The following VPS50 variants were observed in gnomAD, a reference collection of about 807,000 sequenced individuals.
The protein encoded by VPS50 is VPS50 subunit of EARP/GARPII complex.
In VPS50, 70 loss-of-function variants were observed where a neutral mutation model predicts 139.7. That is an observed-to-expected ratio of 0.50 (90% CI 0.41 to 0.61). The LOEUF (loss-of-function observed/expected upper bound fraction) is 0.61. Ranked by LOEUF, VPS50 falls within the 20% of genes least tolerant of loss-of-function variation. The pLI is 0.00. For missense variants in VPS50, 921 were observed against 1,133.7 expected (o/e 0.81, Z 2.69); for synonymous variants, 365 against 376.7 (o/e 0.97, Z 0.36).
intron 23 of VPS50, among the ~76,000 whole-genome samples, chr7:93,344,395 C>A (rs559448924): frequency 1.3e-5 from 2 of 152,060 alleles, no homozygotes; most frequent in African/African-American, 2.4e-5. Flanking sequence ...GACTTTAACA[C>A]CCCACTGTCA....
At chr7:93,297,910 A>C (rs1228910926) in intron 16 of VPS50, among the ~76,000 whole-genome samples, 1 of 152,122 alleles carries the variant, frequency 6.6e-6, no homozygotes, top group Admixed American at 6.6e-5. Context: ...TTGTCCTTTG[A>C]GTTGAGTTTC....
chr7:93,299,415 A>G (rs1471543834), intron 16 of VPS50, among the ~76,000 whole-genome samples: 1 of 152,190 alleles, frequency 6.6e-6, no homozygotes, highest in African/African-American at 2.4e-5. Flanking sequence ...GAAAAACTGT[A>G]TGAAACATGG....
At position 93,272,734 on chromosome 7, in the gene VPS50, G is replaced by GT; in HGVS notation, c.801+4dup. 1 of 1,393,784 alleles carries GT rather than the reference G, an allele frequency of 7.2e-7. No homozygotes were observed. The highest frequency in any genetic ancestry group is 1.0e-6 in the Non-Finnish European group (1 of 1,000,664). 86.3% of individuals were successfully genotyped at this position (1,393,784 alleles called of 1,614,324 possible). On this transcript the variant is annotated splice_donor_variant, in intron 11 of 27. Transcript: ENST00000305866. LOFTEE classifies it high-confidence loss of function. ...TTATCGACTTCTTGGAAAAACACAG[G>GT]TTTGTTACAAAAGGATGTTTGGATT... is the stretch of plus-strand genomic sequence containing the variant.
At chr7:93,277,198 T>C (rs1796183830) in intron 12 of VPS50, among the ~76,000 whole-genome samples, 1 of 152,086 alleles carries the variant, frequency 6.6e-6, no homozygotes, top group South Asian at 2.1e-4. Flanking sequence ...AACTAGGAGA[T>C]GGTGGTGTCA....
At chr7:93,232,898 C>T (rs1248603854) in intron 1 of VPS50, among the ~76,000 whole-genome samples, 2 of 152,134 alleles carry the variant, frequency 1.3e-5, no homozygotes, top group Admixed American at 1.3e-4. Context: ...CCTGGAAAGA[C>T]TGAAAACGGA....
chr7:93,244,709 G>A (rs570470589), intron 2 of VPS50, among the ~76,000 whole-genome samples: 1 of 151,894 alleles, frequency 6.6e-6, no homozygotes, highest in African/African-American at 2.4e-5. Context: ...ATGACTAGGT[G>A]AATTTATTTA....
intron 9 of VPS50, among the ~76,000 whole-genome samples, chr7:93,267,427 G>C (rs749426206): frequency 1.6e-4 from 25 of 152,134 alleles, no homozygotes; most frequent in Non-Finnish European, 1.9e-4. Flanking sequence ...TTGAGGTAGA[G>C]AATAGGGGCT....
chr7:93,321,951 A>AAAT (rs1420682437), intron 20 of VPS50, among the ~76,000 whole-genome samples: 1 of 152,252 alleles, frequency 6.6e-6, no homozygotes, highest in African/African-American at 2.4e-5. Context: ...GTAGCTGAGG[A>AAAT]AATACCTGCA....
intron 23 of VPS50, 105 bp from the exon 24 acceptor site, chr7:93,348,606 T>C (rs1562899988): frequency 1.4e-5 from 10 of 739,344 alleles, no homozygotes; most frequent in Middle Eastern, 3.2e-4. Flanking sequence ...TAATTTTTAT[T>C]GTTAAAGTTT....
intron 20 of VPS50, among the ~76,000 whole-genome samples, chr7:93,315,769 T>G (rs900587724): frequency 6.6e-6 from 1 of 152,190 alleles, no homozygotes; most frequent in Non-Finnish European, 1.5e-5. Flanking sequence ...AGGTTTTAAT[T>G]TCAACATTAA....
At chr7:93,271,419 G>A (rs529578939) in intron 10 of VPS50, among the ~76,000 whole-genome samples, 157 bp downstream of exon 10, 1 of 151,784 alleles carries the variant, frequency 6.6e-6, no homozygotes, top group South Asian at 2.1e-4. Context: ...TTATGGTCAA[G>A]TTAGTGTAAA....
intron 10 of VPS50, 120 bp from the exon 11 acceptor site, chr7:93,272,515 A>G (rs971093960): frequency 8.9e-6 from 4 of 448,080 alleles, no homozygotes; most frequent in Non-Finnish European, 1.6e-5. Flanking sequence ...TAAATCTGGT[A>G]TGATAGTAAA....
intron 12 of VPS50, among the ~76,000 whole-genome samples, chr7:93,281,839 A>G (rs746295034): frequency 6.6e-6 from 1 of 152,248 alleles, no homozygotes; most frequent in Non-Finnish European, 1.5e-5. Context: ...TTTAATGTGT[A>G]TATAAGCTGA....
chr7:93,342,306 G>A (rs539074033), intron 23 of VPS50, among the ~76,000 whole-genome samples: 439 of 152,302 alleles, frequency 2.9e-3, no homozygotes, highest in Middle Eastern at 6.8e-3. Context: ...ATTATATCCC[G>A]CACCTGGCTC....
intron 20 of VPS50, among the ~76,000 whole-genome samples, chr7:93,318,329 C>T (rs1456223377): frequency 6.6e-6 from 1 of 152,074 alleles, no homozygotes; most frequent in Non-Finnish European, 1.5e-5. Context: ...AACCTGGTAG[C>T]CAGGCACTTA....
At chr7:93,329,966 G>A (rs1248931740) in intron 21 of VPS50, among the ~76,000 whole-genome samples, 3 of 152,128 alleles carry the variant, frequency 2.0e-5, no homozygotes, top group Non-Finnish European at 4.4e-5. Context: ...AGAGTAAAGA[G>A]CCTTGGTAAT....
intron 9 of VPS50, among the ~76,000 whole-genome samples, chr7:93,269,971 A>G (rs1279813745): frequency 6.6e-6 from 1 of 152,022 alleles, no homozygotes; most frequent in Admixed American, 6.6e-5. Context: ...TTGGTGTGCT[A>G]AACGTCTTTC....
intron 23 of VPS50, among the ~76,000 whole-genome samples, chr7:93,343,168 G>A (rs375777940): frequency 4.6e-5 from 7 of 152,112 alleles, no homozygotes; most frequent in Non-Finnish European, 1.0e-4. Flanking sequence ...ACCAAGGCTC[G>A]AGAACTACGT....
At chr7:93,286,998 T>G (rs1410329434) in intron 12 of VPS50, among the ~76,000 whole-genome samples, 1 of 149,982 alleles carries the variant, frequency 6.7e-6, no homozygotes, top group Non-Finnish European at 1.5e-5. Context: ...ACGTTGTTTT[T>G]TTTTTTTTTT....
Sources: gnomAD v4.1 joint callset for allele counts (sites outside exome capture counted in the v4.1 genomes callset) on GRCh38, gnomAD v4.1.1 for gene constraint, MANE v1.5 for transcripts, NCBI Gene and HGNC (gene_info 2026-07-23, HGNC 2026-07-21) for gene names.